The following ZNF469 variants were observed in gnomAD, a reference collection of about 807,000 sequenced individuals.
ZNF469 encodes the protein zinc finger protein 469.
ZNF469 carries 1 observed loss-of-function variant against 1.0 expected under a neutral mutation model. The observed-to-expected ratio is 1.00, with a 90% CI of 0.35 to 4.73. The LOEUF is 4.73. ZNF469 is among the 30% of genes most tolerant of loss of function. ZNF469 has a pLI of 0.16. For missense variants in ZNF469, 6,100 were observed against 5,356.3 expected, an observed-to-expected ratio of 1.14 and a Z score of -4.33; for synonymous variants, 2,703 against 2,363.4, an observed-to-expected ratio of 1.14 and a Z score of -4.17.
At chr16:88,380,459 A>ACT (rs1420224521), upstream of ZNF469, among the ~76,000 whole-genome samples, 3 of 132,434 alleles carry the variant, frequency 2.3e-5, no homozygotes, top group African/African-American at 7.3e-5. Flanking sequence ...ACAGACATGC[A>ACT]CACACACATG....
At chr16:88,111,856 C>G in the ZNF469 span, among the ~76,000 whole-genome samples, 2 of 152,146 alleles carry the variant, frequency 1.3e-5, no homozygotes, top group African/African-American at 4.8e-5. Flanking sequence ...AGGCTGGTCT[C>G]GATCTACTGA....
chr16:88,173,833 A>G, the ZNF469 span, among the ~76,000 whole-genome samples: 1 of 152,188 alleles, frequency 6.6e-6, no homozygotes. Flanking sequence ...AAAAATTAAA[A>G]ATTAAGGGAT....
chr16:88,249,604 T>G, the ZNF469 span, among the ~76,000 whole-genome samples: 1 of 151,872 alleles, frequency 6.6e-6, no homozygotes, highest in Non-Finnish European at 1.5e-5. Context: ...GCCGGGCCAA[T>G]TTTTTATATT....
the ZNF469 span, among the ~76,000 whole-genome samples, chr16:88,242,144 C>T: frequency 1.3e-5 from 2 of 152,196 alleles, no homozygotes; most frequent in East Asian, 1.9e-4. Context: ...GAAAGGCACT[C>T]GAGCCCAGCG....
chr16:88,247,286 T>A, the ZNF469 span, among the ~76,000 whole-genome samples: 1 of 149,762 alleles, frequency 6.7e-6, no homozygotes, highest in South Asian at 2.1e-4. Flanking sequence ...AGTAAATGAG[T>A]GAGCGAGTGA....
the ZNF469 span, among the ~76,000 whole-genome samples, chr16:88,352,193 G>A: frequency 2.6e-5 from 4 of 152,176 alleles, no homozygotes; most frequent in African/African-American, 4.8e-5. Flanking sequence ...CAAAACCAGC[G>A]AGAGGGGACG....
chr16:88,219,181 T>G, the ZNF469 span, among the ~76,000 whole-genome samples: 1 of 148,162 alleles, frequency 6.7e-6, no homozygotes, highest in Non-Finnish European at 1.5e-5. Flanking sequence ...ATCGTGAAAA[T>G]GGCCATACTG....
the ZNF469 span, among the ~76,000 whole-genome samples, chr16:88,316,310 G>A: frequency 6.6e-6 from 1 of 152,164 alleles, no homozygotes; most frequent in Admixed American, 6.5e-5. Flanking sequence ...GCCAGCATCT[G>A]CCACCTTTAG....
chr16:88,277,161 A>G, the ZNF469 span, among the ~76,000 whole-genome samples: 1,103 of 151,168 alleles, frequency 7.3e-3, 11 homozygotes, highest in African/African-American at 0.025. Context: ...GTGCACGGTT[A>G]GTGCTGCACC....
At chr16:88,243,925 T>C in the ZNF469 span, among the ~76,000 whole-genome samples, 73 of 88,460 alleles carry the variant, frequency 8.3e-4, 1 homozygote, top group African/African-American at 3.3e-3. Context: ...TATATATATA[T>C]ATATATATAT....
chr16:88,164,986 C>T, the ZNF469 span, among the ~76,000 whole-genome samples: 3 of 152,236 alleles, frequency 2.0e-5, no homozygotes, highest in African/African-American at 4.8e-5. Context: ...GCAGGGCCAT[C>T]GTGGGCTCGT....
chr16:88,218,243 T>G, the ZNF469 span, among the ~76,000 whole-genome samples: 5 of 149,550 alleles, frequency 3.3e-5, no homozygotes, highest in African/African-American at 9.9e-5. Context: ...ATGTCTTCTT[T>G]TGAGAAGTGT....
chr16:88,429,336 A>G lies in ZNF469; in HGVS notation c.1866A>G (p.Glu622=), dbSNP rs776185811. ...GCCCAGCCAACCCCAGCTCAGAGGA[A>G]AGCCAGCTCCCCGGCCCCCTCGGGC... The part of the protein sequence containing the change: ...SSSPANPSSE[E]SQLPGPLGPS... The change falls in exon 3 of 3, where the codon GAA becomes GAG. Residue 622 remains glutamate, a synonymous_variant. Transcript: ENST00000565624. The G allele has an allele frequency of 6.5e-7, 1 of 1,549,848 alleles. No homozygotes were observed. The highest frequency in any genetic ancestry group is 8.7e-7 in the Non-Finnish European group (1 of 1,146,812).
At chr16:88,323,467 C>G in the ZNF469 span, among the ~76,000 whole-genome samples, 945 of 152,338 alleles carry the variant, frequency 6.2e-3, 4 homozygotes, top group African/African-American at 0.022. Flanking sequence ...CTTCTGACAT[C>G]ACTCAGCAGC....
rs372191080 is a variant in ZNF469, at chr16:88,386,601, C to T, written c.-192+3347C>T. 3.3e-5 allele frequency among the ~76,000 whole-genome samples: 5 copies of T among 152,284 alleles called. 1 individual carries two copies. The highest frequency in any genetic ancestry group is 1.9e-4 in the East Asian group (1 of 5,180). On this transcript the variant is annotated intron_variant, in intron 1 of 2. Coordinates refer to ENST00000565624, the MANE Select transcript of ZNF469 (RefSeq NM_001367624.2). ...GCTCAGCAGGCGCTGGCCGGTGACT[C>T]GGAGGGTCCCGTCACATCCAGGGCC...
At chr16:88,248,396 A>G in the ZNF469 span, among the ~76,000 whole-genome samples, 1 of 152,216 alleles carries the variant, frequency 6.6e-6, no homozygotes, top group Admixed American at 6.5e-5. Flanking sequence ...TTTCTCTCTC[A>G]GAGTTGCAAC....
At chr16:88,148,755 G>A in the ZNF469 span, among the ~76,000 whole-genome samples, 1 of 152,156 alleles carries the variant, frequency 6.6e-6, no homozygotes, top group Admixed American at 6.5e-5. Context: ...ATCATTCTGG[G>A]GCTGGGCTGT....
At chr16:88,142,578 C>T in the ZNF469 span, among the ~76,000 whole-genome samples, 1 of 152,204 alleles carries the variant, frequency 6.6e-6, no homozygotes, top group Non-Finnish European at 1.5e-5. Context: ...CCTCAAGTCT[C>T]AGGAGCTTGA....
At chr16:88,227,626 C>G in the ZNF469 span, among the ~76,000 whole-genome samples, 20 of 149,836 alleles carry the variant, frequency 1.3e-4, no homozygotes, top group Admixed American at 1.3e-3. Flanking sequence ...CTCCCTGTGT[C>G]CCCGTCTCCC....
Sources: allele counts gnomAD v4.1 joint callset (sites outside exome capture counted in the v4.1 genomes callset), GRCh38; gene constraint gnomAD v4.1.1; transcripts MANE v1.5; gene names NCBI Gene and HGNC (gene_info 2026-07-23, HGNC 2026-07-21).